The following CFB variants were observed in gnomAD, a reference collection of about 807,000 sequenced individuals.
CFB encodes the protein B-factor, properdin.
CFB carries 59 observed loss-of-function variants against 97.2 expected under a neutral mutation model. The ratio of observed to expected loss-of-function variants is 0.61; its 90% CI spans 0.49 to 0.75. The LOEUF (loss-of-function observed/expected upper bound fraction) is 0.75, where lower values mean the gene tolerates loss of function less well. Among genes scored for constraint, CFB ranks in the 30% least tolerant of loss-of-function variants. The pLI, the probability that CFB is intolerant of heterozygous loss-of-function variation, is 0.00. For synonymous variants in CFB, 316 were observed against 351.7 expected, an observed-to-expected ratio of 0.90 and a Z score of 1.14; for missense variants, 771 against 959.8, an observed-to-expected ratio of 0.80 and a Z score of 2.60.
In CFB at chr6:31,946,737, G is replaced by A; in HGVS notation, c.298+131G>A. The A allele has an allele frequency of 1.1e-6, 1 of 933,884 alleles. No homozygotes were observed. The highest frequency in any genetic ancestry group is 1.7e-6 in the Non-Finnish European group (1 of 597,162). The allele number at this position is 933,884 out of a possible 1,614,324, so 57.8% of individuals were successfully genotyped here. A position where few individuals can be genotyped will look rare whatever the true frequency, so the allele number is the denominator to read the frequency against. On this transcript the variant is annotated intron_variant, in intron 2 of 17. Transcript: ENST00000425368. The surrounding 1 kb of genome is among the most constrained non-coding windows in gnomAD (Gnocchi z 6.4). ...CGGGAGTAGGAGCAGTTTTAGGGTG[G>A]CAGGCGGAAAGGGGGCAAGAAAAAG...
At chr6:31,949,741 G>A in intron 10 of CFB, 184 bp downstream of exon 10, 1 of 785,740 alleles carries the variant, frequency 1.3e-6, no homozygotes, top group Non-Finnish European at 2.1e-6. Flanking sequence ...ACAGAGCTCT[G>A]AGCACTTCAG....
chr6:31,948,027 T>C lies in CFB; in HGVS notation c.843T>C (p.Ile281=). 6.2e-7 allele frequency: 1 copy of C among 1,614,134 alleles called. No individual in the cohort carries two copies. Among genetic ancestry groups the C allele is most frequent in the Non-Finnish European group, 8.5e-7 (1 of 1,180,034 alleles). The change falls in exon 6 of 18, where the codon ATT becomes ATC. Residue 281 remains isoleucine (I), a synonymous_variant. Transcript: ENST00000425368. ...TGGTGCTAGATGGATCAGACAGCATTGGGGCCAGCAACTTCACAGGAGCCA... is the reference window on the plus strand; with the variant it reads ...TGGTGCTAGATGGATCAGACAGCATCGGGGCCAGCAACTTCACAGGAGCCA... ...IYLVLDGSDS[I]GASNFTGAKK... is the part of the protein sequence containing the mutation.
At position 31,950,677 on chromosome 6, in the gene CFB, T is replaced by A. The variant is rs1489504530; in HGVS notation, c.1683T>A (p.Ile561=). Residue 561 remains isoleucine (I), a synonymous_variant, in exon 13 of 18, where the codon ATT becomes ATA. Coordinates refer to ENST00000425368, the MANE Select transcript of CFB (RefSeq NM_001710.6). ...TCCTATTTCACCCCAACTACAACATTAATGGGAAAAAAGAAGCAGGAATTC... is the reference window on the plus strand; with the variant it reads ...TCCTATTTCACCCCAACTACAACATAAATGGGAAAAAAGAAGCAGGAATTC... The part of the protein sequence containing the change: ...EVVLFHPNYN[I]NGKKEAGIPE... 2 of 1,612,688 alleles carry A rather than the reference T, an allele frequency of 1.2e-6. No homozygotes were observed. Among genetic ancestry groups the A allele is most frequent in the African/African-American group, 2.7e-5 (2 of 74,816 alleles).
chr6:31,946,897 G>T lies in CFB; in HGVS notation c.299-110G>T. The T allele has an allele frequency of 8.8e-7, 1 of 1,139,674 alleles. No individual in the cohort carries two copies. The allele number at this position is 1,139,674 out of a possible 1,614,324, so 70.6% of individuals were successfully genotyped here. A position where few individuals can be genotyped will look rare whatever the true frequency, so the allele number is the denominator to read the frequency against. ...GGAGTAGGTAAGATGCTGCTTCTGC[G>T]GGACTGGGAATGCGCTGTTTCTCAG... On this transcript the variant is annotated intron_variant, in intron 2 of 17. Coordinates refer to ENST00000425368, the MANE Select transcript of CFB (RefSeq NM_001710.6). This position sits in a 1 kb window ranked among gnomAD's most constrained non-coding sequence, Gnocchi z 6.4.
In CFB at chr6:31,947,782, T is replaced by C. The variant is rs1562626799; in HGVS notation, c.699T>C (p.Ala233=). 2.5e-6 allele frequency: 4 copies of C among 1,613,350 alleles called. No individual in the cohort carries two copies. Among genetic ancestry groups the C allele is most frequent in the Non-Finnish European group, 2.5e-6 (3 of 1,180,040 alleles). ...MYDTPQEVAE[A]FLSSLTETIE... ...ACACCCCTCAAGAGGTGGCCGAAGC[T>C]TTCCTGTCTTCCCTGACAGAGACCA... is the stretch of plus-strand genomic sequence containing the variant. Residue 233 remains alanine (A), a synonymous_variant, in exon 5 of 18, where the codon GCT becomes GCC. Coordinates refer to ENST00000425368, the MANE Select transcript of CFB (RefSeq NM_001710.6). The surrounding 1 kb of genome is among the most constrained non-coding windows in gnomAD (Gnocchi z 5.3).
Position 31,951,182 on chromosome 6 carries a change from T to C in CFB, c.1894T>C (p.Phe632Leu). The C allele has an allele frequency of 6.2e-7, 1 of 1,612,974 alleles. No individual in the cohort carries two copies. Among genetic ancestry groups the C allele is most frequent in the Middle Eastern group, 1.6e-4 (1 of 6,062 alleles). ...LLPAQDIKAL[F>L]VSEEEKKLTR... ...CCCTGCACAGGATATCAAAGCTCTG[T>C]TTGTGTCTGAGGAGGAGAAAAAGCT... The change falls in exon 15 of 18, where the codon TTT (phenylalanine) becomes CTT (leucine). Residue 632 changes from phenylalanine to leucine, a missense_variant. Coordinates refer to ENST00000425368, the MANE Select transcript of CFB (RefSeq NM_001710.6). The surrounding 1 kb of genome is among the most constrained non-coding windows in gnomAD (Gnocchi z 4.3).
chr6:31,951,219 A>T lies in CFB; in HGVS notation c.1931A>T (p.Glu644Val), dbSNP rs771142888. 6 of 1,612,992 alleles carry T rather than the reference A, an allele frequency of 3.7e-6. No individual in the cohort carries two copies. In the African/African-American group the frequency reaches 8.0e-5, roughly 22 times the overall value. ...GAGGAGAAAAAGCTGACTCGGAAGG[A>T]GGTCTACATCAAGAATGGGGATAAG... ...SEEEKKLTRKEVYIKNGDKKG... is the reference protein window; with the variant it reads ...SEEEKKLTRKVVYIKNGDKKG... The change falls in exon 15 of 18, where the codon GAG becomes GTG. Residue 644 changes from glutamate (E) to valine (V), a missense_variant. Transcript: ENST00000425368. This position sits in a 1 kb window ranked among gnomAD's most constrained non-coding sequence, Gnocchi z 4.3.
In CFB at chr6:31,947,538, AC is replaced by A. The variant is rs777346310; in HGVS notation, c.658+22del. 2 of 1,612,198 alleles carry A rather than the reference AC, an allele frequency of 1.2e-6. No individual in the cohort carries two copies. Among genetic ancestry groups the A allele is most frequent in the South Asian group, 1.1e-5 (1 of 91,038 alleles). The stretch of plus-strand genomic sequence containing the variant: ...CCTGCCAAGGTGACCTTTGACCTGT[AC>A]CCCCAGGTCAGATCCTGGTCTTCCA... On this transcript the variant is annotated intron_variant, in intron 4 of 17. Coordinates refer to ENST00000425368, the MANE Select transcript of CFB (RefSeq NM_001710.6). This position sits in a 1 kb window ranked among gnomAD's most constrained non-coding sequence, Gnocchi z 5.3.
intron 14 of CFB, 23 bp downstream of exon 14, chr6:31,950,967 A>T: frequency 6.2e-7 from 1 of 1,611,918 alleles, no homozygotes; most frequent in East Asian, 2.2e-5. Flanking sequence ...TGGCAAGAGG[A>T]TAAGGATGAG....
chr6:31,950,542 A>G (rs774171936), intron 12 of CFB, 77 bp from the exon 13 acceptor site: 2 of 1,602,464 alleles, frequency 1.2e-6, no homozygotes, highest in South Asian at 2.2e-5. Context: ...ATGGGGGAAG[A>G]CGTGAAGTTA....
rs775416425 is a variant in CFB, at chr6:31,950,416, C to G, written c.1624+13C>G. 6.2e-7 allele frequency: 1 copy of G among 1,607,576 alleles called. No homozygotes were observed. The highest frequency in any genetic ancestry group is 8.5e-7 in the Non-Finnish European group (1 of 1,176,262). On this transcript the variant is annotated intron_variant, in intron 12 of 17. Coordinates refer to ENST00000425368, the MANE Select transcript of CFB (RefSeq NM_001710.6). ...AAGGTCAGCGTAGGTAAGGATGCAACTGAAGGTCCTGGGCTGCACCTATGC... is the reference window on the plus strand; with the variant it reads ...AAGGTCAGCGTAGGTAAGGATGCAAGTGAAGGTCCTGGGCTGCACCTATGC...
In CFB at chr6:31,946,543, ACGGGGT is replaced by A; in HGVS notation, c.237_242del (p.Gly80_Ser81del). ...TGTGCAGACACGTACCTGCAGATCT[ACGGGGT>A]CCTGGAGCACCCTGAAGACTCAAGA... On this transcript the variant is annotated inframe_deletion, in exon 2 of 18. Transcript: ENST00000425368. The surrounding 1 kb of genome is among the most constrained non-coding windows in gnomAD (Gnocchi z 6.4). 4 of 1,612,934 alleles carry A rather than the reference ACGGGGT, an allele frequency of 2.5e-6. No individual in the cohort carries two copies. The highest frequency in any genetic ancestry group is 3.4e-6 in the Non-Finnish European group (4 of 1,180,028).
chr6:31,946,490 T>A lies in CFB; in HGVS notation c.182T>A (p.Val61Glu). ...LLQEGQALEY[V>E]CPSGFYPYPV... ...CAAGAGGGCCAGGCACTGGAGTACG[T>A]GTGTCCTTCTGGCTTCTACCCGTAC... The change falls in exon 2 of 18, where the codon GTG (valine) becomes GAG (glutamate). Residue 61 changes from valine (V) to glutamate (E), a missense_variant. Coordinates refer to ENST00000425368, the MANE Select transcript of CFB (RefSeq NM_001710.6). This position sits in a 1 kb window ranked among gnomAD's most constrained non-coding sequence, Gnocchi z 6.4. 1 of 1,613,042 alleles carries A rather than the reference T, an allele frequency of 6.2e-7. No homozygotes were observed. The highest frequency in any genetic ancestry group is 8.5e-7 in the Non-Finnish European group (1 of 1,180,028).
rs941723798 is a variant in CFB at position 31,951,938 on chromosome 6, C to A, written c.2203C>A (p.Pro735Thr). The change falls in exon 18 of 18, where the codon CCT (proline) becomes ACT (threonine). Residue 735 changes from proline (P) to threonine (T), a missense_variant. Coordinates refer to ENST00000425368, the MANE Select transcript of CFB (RefSeq NM_001710.6). This position sits in a 1 kb window ranked among gnomAD's most constrained non-coding sequence, Gnocchi z 4.3. Reference protein sequence around the residue: ...CKNQKRQKQVPAHARDFHINL... With the variant: ...CKNQKRQKQVTAHARDFHINL... ...AAACCAGAAGCGGCAAAAGCAGGTACCTGCTCACGCCCGAGACTTTCACAT... is the reference window on the plus strand; with the variant it reads ...AAACCAGAAGCGGCAAAAGCAGGTAACTGCTCACGCCCGAGACTTTCACAT... The A allele has an allele frequency of 6.2e-7, 1 of 1,612,986 alleles. No homozygotes were observed. Among genetic ancestry groups the A allele is most frequent in the Non-Finnish European group, 8.5e-7 (1 of 1,180,048 alleles).
Position 31,950,191 on chromosome 6 carries a change from T to A in CFB, c.1506+44T>A, listed in dbSNP as rs1403136354. The stretch of plus-strand genomic sequence containing the variant: ...TAGTGGGGACTTGGGGGAGGTGAGG[T>A]CAAGGTGAAATGGGAGTAGGGGAAG... On this transcript the variant is annotated intron_variant, in intron 11 of 17. Coordinates refer to ENST00000425368, the MANE Select transcript of CFB (RefSeq NM_001710.6). 7 of 1,609,290 alleles carry A rather than the reference T, an allele frequency of 4.3e-6. No homozygotes were observed. The South Asian group carries it at 6.6e-5, about 15-fold the overall frequency.
At chr6:31,949,734 G>C (rs1425802385) in intron 10 of CFB, 177 bp downstream of exon 10, 1 of 811,208 alleles carries the variant, frequency 1.2e-6, no homozygotes, top group Non-Finnish European at 2.0e-6. Context: ...TAGAATCACA[G>C]AGCTCTGAGC....
At position 31,946,936 on chromosome 6, in the gene CFB, G is replaced by A. The variant is rs181642526; in HGVS notation, c.299-71G>A. 2.0e-6 allele frequency: 3 copies of A among 1,532,554 alleles called. No individual in the cohort carries two copies. The highest frequency in any genetic ancestry group is 1.8e-4 in the Middle Eastern group (1 of 5,678). The allele number at this position is 1,532,554 out of a possible 1,614,324, so 94.9% of individuals were successfully genotyped here. On this transcript the variant is annotated intron_variant, in intron 2 of 17. Transcript: ENST00000425368. The surrounding 1 kb of genome is among the most constrained non-coding windows in gnomAD (Gnocchi z 6.4). ...GCTGTTTCTCAGTGACATGGTCTCC[G>A]AGACCAGGAGGGATACACCTAAGGC...
intron 10 of CFB, 38 bp from the exon 11 acceptor site, chr6:31,950,011 AG>A: frequency 6.3e-7 from 1 of 1,599,102 alleles, no homozygotes; most frequent in Non-Finnish European, 8.6e-7. Context: ...TTGGGAATGA[AG>A]TGTTCCGAGT....
chr6:31,951,841 C>T lies in CFB; in HGVS notation c.2140-34C>T. The T allele has an allele frequency of 1.2e-6, 2 of 1,613,082 alleles. No individual in the cohort carries two copies. Among genetic ancestry groups the T allele is most frequent in the Non-Finnish European group, 1.7e-6 (2 of 1,179,988 alleles). ...CATGCTTCCAGGATTAGGAATTCTACTGAATGATCCATGGCACCCCACTGC... is the reference window on the plus strand; with the variant it reads ...CATGCTTCCAGGATTAGGAATTCTATTGAATGATCCATGGCACCCCACTGC... On this transcript the variant is annotated intron_variant, in intron 17 of 17. Coordinates refer to ENST00000425368, the MANE Select transcript of CFB (RefSeq NM_001710.6). This position sits in a 1 kb window ranked among gnomAD's most constrained non-coding sequence, Gnocchi z 4.3.
Sources: allele counts gnomAD v4.1 joint callset, GRCh38; gene constraint gnomAD v4.1.1; non-coding constraint Gnocchi (gnomAD v3.1); transcripts MANE v1.5; gene names NCBI Gene and HGNC (gene_info 2026-07-23, HGNC 2026-07-21).